The following ANKRD44 variants were observed in gnomAD, a reference collection of about 807,000 sequenced individuals.
ANKRD44 encodes serine/threonine-protein phosphatase 6 regulatory ankyrin repeat subunit B.
In ANKRD44, 35 loss-of-function variants were observed where a neutral mutation model predicts 116.0. The observed-to-expected ratio is 0.30, with a 90% CI of 0.23 to 0.40. The LOEUF (loss-of-function observed/expected upper bound fraction) is 0.40. Ranked by LOEUF, ANKRD44 falls within the 10% of genes least tolerant of loss-of-function variation. ANKRD44 has a pLI of 1.00. For missense variants in ANKRD44, 1,014 were observed against 1,242.6 expected (o/e 0.82, Z 2.77); for synonymous variants, 435 against 461.8 (o/e 0.94, Z 0.74).
intron 2 of ANKRD44, among the ~76,000 whole-genome samples, chr2:197,165,660 G>A (rs190402070): frequency 6.6e-6 from 1 of 152,136 alleles, no homozygotes; most frequent in African/African-American, 2.4e-5. Flanking sequence ...GTTTTCCTGG[G>A]AGCAAACACC....
intron 17 of ANKRD44, among the ~76,000 whole-genome samples, chr2:197,020,950 C>T (rs1367732171): frequency 6.6e-6 from 1 of 151,982 alleles, no homozygotes; most frequent in Admixed American, 6.6e-5. Flanking sequence ...CCTCCTCCCT[C>T]CCCCCATCCC....
chr2:197,123,392 T>C (rs1459746398), intron 6 of ANKRD44, among the ~76,000 whole-genome samples: 2 of 152,206 alleles, frequency 1.3e-5, no homozygotes. Context: ...CATTTTTTTC[T>C]ACAATATTTT....
rs112178758 is a variant in ANKRD44 at position 197,304,044 on chromosome 2, C to G, written c.27+6534G>C. Among the ~76,000 whole-genome samples the G allele has an allele frequency of 1.8e-4, 28 of 152,168 alleles. 1 individual carries two copies. The highest frequency in any genetic ancestry group is 6.7e-4 in the African/African-American group (28 of 41,518). On this transcript the variant is annotated intron_variant, in intron 1 of 27. Transcript: ENST00000282272. ...TCTTAGGCCAGGTGTGGTGGCTTAC[C>G]CCTGTAATCCCAGCACTTTGGGAGG...
At chr2:197,293,173 G>A (rs1256325173) in intron 1 of ANKRD44, among the ~76,000 whole-genome samples, 1 of 152,146 alleles carries the variant, frequency 6.6e-6, no homozygotes, top group African/African-American at 2.4e-5. Context: ...GAAAAAGAAG[G>A]TAGATAAAGT....
intron 1 of ANKRD44, among the ~76,000 whole-genome samples, chr2:197,195,941 A>C (rs1032639223): frequency 6.6e-6 from 1 of 152,232 alleles, no homozygotes; most frequent in African/African-American, 2.4e-5. Context: ...TAGCTAAGAT[A>C]ATTAAATTGT....
At chr2:196,981,144 A>G (rs1423480368) in intron 21 of ANKRD44, among the ~76,000 whole-genome samples, 1 of 152,160 alleles carries the variant, frequency 6.6e-6, no homozygotes. Context: ...TGGGGCTACA[A>G]TTCAATAATT....
At chr2:197,098,474 T>C (rs1259432640) in intron 10 of ANKRD44, among the ~76,000 whole-genome samples, 3 of 152,244 alleles carry the variant, frequency 2.0e-5, no homozygotes, top group African/African-American at 4.8e-5. Context: ...ATTCCTAAGA[T>C]ACACTGCTTT....
intron 1 of ANKRD44, among the ~76,000 whole-genome samples, chr2:197,249,736 T>G (rs2082274611): frequency 6.6e-6 from 1 of 152,224 alleles, no homozygotes; most frequent in South Asian, 2.1e-4. Flanking sequence ...TTGAGAATAT[T>G]TATCATGTTG....
chr2:197,310,524 C>T (rs1209379301), intron 1 of ANKRD44, 54 bp downstream of exon 1: 2 of 1,017,932 alleles, frequency 2.0e-6, no homozygotes, highest in East Asian at 1.9e-4. Context: ...CCCCGCCGGG[C>T]TCCGCGCCGC....
intron 8 of ANKRD44, among the ~76,000 whole-genome samples, chr2:197,115,659 T>C (rs1278956896): frequency 6.6e-6 from 1 of 152,240 alleles, no homozygotes; most frequent in Non-Finnish European, 1.5e-5. Flanking sequence ...TTCAATATGC[T>C]ACTTCCCTCA....
At chr2:197,170,190 C>CAAAAAAAAAAAAAAAAA (rs71012960) in intron 2 of ANKRD44, among the ~76,000 whole-genome samples, 2 of 119,752 alleles carry the variant, frequency 1.7e-5, no homozygotes, top group Admixed American at 8.5e-5. Context: ...ACCCTGTTTC[C>CAAAAAAAAAAAAAAAAA]AAAAAAAAAA....
At chr2:196,996,036 T>G (rs936782856) in intron 25 of ANKRD44, among the ~76,000 whole-genome samples, 2 of 152,212 alleles carry the variant, frequency 1.3e-5, no homozygotes, top group African/African-American at 4.8e-5. Flanking sequence ...TTAATAATTT[T>G]TGAAAATCAA....
Position 196,991,004 on chromosome 2 carries a change from C to T in ANKRD44, c.2924-1355G>A. 7.8e-6 allele frequency: 9 copies of T among 1,156,506 alleles called. No individual in the cohort carries two copies. The South Asian group carries it at 1.8e-4, about 23-fold the overall frequency. 71.6% of individuals were successfully genotyped at this position (1,156,506 alleles called of 1,614,324 possible). A position where few individuals can be genotyped will look rare whatever the true frequency, so the allele number is the denominator to read the frequency against. ...GGCACGAGCATTCCACAGTACATCT[C>T]GGATGATCTCACAGGCGGAGATGTA... On this transcript the variant is annotated intron_variant, in intron 27 of 27. Transcript: ENST00000282272.
At chr2:197,277,909 C>T (rs375077271) in intron 1 of ANKRD44, among the ~76,000 whole-genome samples, 10 of 152,196 alleles carry the variant, frequency 6.6e-5, no homozygotes, top group East Asian at 1.9e-4. Flanking sequence ...GAGTCACTGA[C>T]GCTAATGAGC....
chr2:197,202,217 A>G (rs547800649), intron 1 of ANKRD44, among the ~76,000 whole-genome samples: 8 of 152,338 alleles, frequency 5.3e-5, no homozygotes, highest in African/African-American at 1.7e-4. Flanking sequence ...AAACAAGGCC[A>G]TTGAAGGGAG....
intron 1 of ANKRD44, among the ~76,000 whole-genome samples, chr2:197,207,801 C>T (rs533231943): frequency 3.0e-4 from 45 of 152,258 alleles, no homozygotes; most frequent in African/African-American, 1.0e-3. Context: ...ATAATCCCAA[C>T]CTTAACATTT....
intron 21 of ANKRD44, among the ~76,000 whole-genome samples, chr2:196,980,402 T>G (rs2075792357): frequency 6.6e-6 from 1 of 152,154 alleles, no homozygotes; most frequent in South Asian, 2.1e-4. Flanking sequence ...ATGGAATGGA[T>G]AAATCATTTC....
chr2:196,998,408 T>C lies in ANKRD44; in HGVS notation c.2677A>G (p.Asn893Asp), dbSNP rs983320047. Reference sequence around the variant, plus strand: ...ACAGTCAGATCAGCCTGGGCACTGTTCACCAAAATATCTGTAGAAAAAGCC... The same window carrying C: ...ACAGTCAGATCAGCCTGGGCACTGTCCACCAAAATATCTGTAGAAAAAGCC... ...GQAGAVDILVNSAQADLTVKD... is the reference protein window; with the variant it reads ...GQAGAVDILVDSAQADLTVKD... The change falls in exon 25 of 28, where the codon AAC (asparagine) becomes GAC (aspartate). Residue 893 changes from asparagine (N) to aspartate (D), a missense_variant. Physicochemically the swap from Asn to Asp is conservative, Grantham distance 23. Transcript: ENST00000282272. The C allele has an allele frequency of 9.9e-6, 16 of 1,613,590 alleles. No homozygotes were observed. Among genetic ancestry groups the C allele is most frequent in the Non-Finnish European group, 1.4e-5 (16 of 1,179,698 alleles).
chr2:197,172,579 A>G (rs906876008), intron 2 of ANKRD44, among the ~76,000 whole-genome samples: 4 of 151,910 alleles, frequency 2.6e-5, no homozygotes, highest in African/African-American at 9.7e-5. Flanking sequence ...ACCCTGTCCT[A>G]TTCATCTTAT....
Sources: gnomAD v4.1 joint callset for allele counts (sites outside exome capture counted in the v4.1 genomes callset) on GRCh38, gnomAD v4.1.1 for gene constraint, MANE v1.5 for transcripts, NCBI Gene and HGNC (gene_info 2026-07-23, HGNC 2026-07-21) for gene names.